Variants in AFG1L observed in about 807,000 individuals in gnomAD.
AFG1L encodes AFG1-like ATPase.
A neutral mutation model predicts 62.2 loss-of-function variants in AFG1L; 53 were observed. That is an observed-to-expected ratio of 0.85 (90% CI 0.68 to 1.07). The LOEUF (loss-of-function observed/expected upper bound fraction) is 1.07. AFG1L is among the 50% of genes least tolerant of loss of function. AFG1L has a pLI of 0.00. For missense variants in AFG1L, 555 were observed against 590.5 expected, an observed-to-expected ratio of 0.94 and a Z score of 0.62; for synonymous variants, 228 against 210.3, an observed-to-expected ratio of 1.08 and a Z score of -0.73.
intron 7 of AFG1L, among the ~76,000 whole-genome samples, chr6:108,438,165 G>A (rs1771393133): frequency 6.6e-6 from 1 of 152,134 alleles, no homozygotes; most frequent in Admixed American, 6.5e-5. Context: ...ACTGGAGCAA[G>A]GTAGCATATT....
At chr6:108,429,092 G>T (rs1464101425) in intron 7 of AFG1L, among the ~76,000 whole-genome samples, 2 of 152,130 alleles carry the variant, frequency 1.3e-5, no homozygotes, top group Admixed American at 6.5e-5. Context: ...TTTGTATAAG[G>T]TAAGGGATAG....
intron 6 of AFG1L, among the ~76,000 whole-genome samples, chr6:108,391,531 C>T (rs1413760875): frequency 6.6e-6 from 1 of 152,048 alleles, no homozygotes; most frequent in Non-Finnish European, 1.5e-5. Flanking sequence ...GGATATCAGT[C>T]CTTTGTCAGT....
intron 7 of AFG1L, among the ~76,000 whole-genome samples, chr6:108,437,660 A>G (rs1482427671): frequency 6.6e-6 from 1 of 152,226 alleles, no homozygotes; most frequent in Non-Finnish European, 1.5e-5. Context: ...TATCTCATAC[A>G]TGGTCTTGGA....
intron 1 of AFG1L, among the ~76,000 whole-genome samples, chr6:108,309,608 TC>T (rs1777327843): frequency 6.6e-6 from 1 of 152,308 alleles, no homozygotes; most frequent in Admixed American, 6.5e-5. Flanking sequence ...GGAAAACTGT[TC>T]ACCTATTGGA....
chr6:108,429,874 C>T (rs1770994629), intron 7 of AFG1L, among the ~76,000 whole-genome samples: 1 of 151,884 alleles, frequency 6.6e-6, no homozygotes, highest in Non-Finnish European at 1.5e-5. Context: ...GCAGTATGGT[C>T]ATTTTCACAA....
At position 108,324,838 on chromosome 6, in the gene AFG1L, G is replaced by A. The variant is rs531582757; in HGVS notation, c.363+790G>A. 1.3e-3 allele frequency among the ~76,000 whole-genome samples: 197 copies of A among 152,038 alleles called. 6 individuals carry two copies. Among genetic ancestry groups the A allele is most frequent in the Admixed American group, 0.011 (165 of 15,264 alleles). ...CCTCCCAAGTAACTGGGTAACAAGC[G>A]TGGACCACCACACTCAGCTAATTTT... On this transcript the variant is annotated intron_variant, in intron 2 of 12. Coordinates refer to ENST00000368977, the MANE Select transcript of AFG1L (RefSeq NM_145315.5).
chr6:108,472,984 T>C (rs1006575024), intron 8 of AFG1L, among the ~76,000 whole-genome samples: 73 of 152,064 alleles, frequency 4.8e-4, no homozygotes, highest in African/African-American at 1.6e-3. Flanking sequence ...GTATTTTTTG[T>C]AGAGATAAAG....
chr6:108,320,756 AC>A (rs957972761), intron 1 of AFG1L, among the ~76,000 whole-genome samples: 1 of 151,826 alleles, frequency 6.6e-6, no homozygotes, highest in Non-Finnish European at 1.5e-5. Context: ...CCTAAGAGAG[AC>A]CCCTGCTTCC....
chr6:108,435,845 G>A (rs1245554148), intron 7 of AFG1L, among the ~76,000 whole-genome samples: 1 of 152,200 alleles, frequency 6.6e-6, no homozygotes, highest in East Asian at 1.9e-4. Context: ...GCTTCTTCCT[G>A]TAGTTCCTAA....
intron 3 of AFG1L, among the ~76,000 whole-genome samples, chr6:108,347,876 T>C (rs1778922706): frequency 6.6e-6 from 1 of 152,156 alleles, no homozygotes; most frequent in Non-Finnish European, 1.5e-5. Context: ...CAATTATTTC[T>C]TCTACTGGCA....
chr6:108,310,678 G>A (rs1777370517), intron 1 of AFG1L, among the ~76,000 whole-genome samples: 1 of 151,090 alleles, frequency 6.6e-6, no homozygotes, highest in Non-Finnish European at 1.5e-5. Flanking sequence ...GGGCTCAAGT[G>A]ATTCTCGTGC....
chr6:108,451,315 T>A (rs1412102206), intron 8 of AFG1L, among the ~76,000 whole-genome samples: 2 of 152,104 alleles, frequency 1.3e-5, no homozygotes, highest in Non-Finnish European at 2.9e-5. Context: ...ATTAAGAATA[T>A]CCAAAATACA....
chr6:108,417,959 G>T (rs1329116949), intron 7 of AFG1L, among the ~76,000 whole-genome samples: 2 of 151,944 alleles, frequency 1.3e-5, no homozygotes, highest in African/African-American at 2.4e-5. Context: ...TCAGCCTCCC[G>T]GGTAGCTGGG....
intron 1 of AFG1L, among the ~76,000 whole-genome samples, chr6:108,322,305 T>C (rs1008533968): frequency 6.6e-6 from 1 of 152,196 alleles, no homozygotes; most frequent in Non-Finnish European, 1.5e-5. Flanking sequence ...GTGTATCTTG[T>C]TGCTCTGCTT....
In AFG1L at chr6:108,477,307, A is replaced by G. The variant is rs561985592; in HGVS notation, c.1062+15A>G. ...TGTGTGAGAGAGTAAGTATCCAGGC[A>G]CGTCCAGACTCACTGGCCTTTTCAC... On this transcript the variant is annotated intron_variant, in intron 10 of 12. Transcript: ENST00000368977. 4.5e-5 allele frequency: 68 copies of G among 1,509,624 alleles called. No homozygotes were observed. The East Asian group carries it at 1.1e-3, about 25-fold the overall frequency. 93.5% of individuals were successfully genotyped at this position (1,509,624 alleles called of 1,614,324 possible).
intron 2 of AFG1L, among the ~76,000 whole-genome samples, chr6:108,339,648 C>T (rs936980526): frequency 5.3e-5 from 8 of 151,668 alleles, no homozygotes; most frequent in Admixed American, 3.9e-4. Context: ...TTAGTAGAAA[C>T]GGGGTTTCAC....
intron 3 of AFG1L, among the ~76,000 whole-genome samples, chr6:108,350,784 C>G (rs1164717690): frequency 4.6e-5 from 7 of 152,188 alleles, no homozygotes; most frequent in African/African-American, 9.7e-5. Context: ...CCCTTTCCTG[C>G]TGCCTCCTGG....
At chr6:108,384,175 A>G (rs947990704) in intron 6 of AFG1L, among the ~76,000 whole-genome samples, 22 of 152,184 alleles carry the variant, frequency 1.4e-4, no homozygotes, top group African/African-American at 5.1e-4. Flanking sequence ...GGCAGGGTAA[A>G]GTCAGTGCTG....
At chr6:108,316,653 C>T (rs1486167903) in intron 1 of AFG1L, among the ~76,000 whole-genome samples, 1 of 151,028 alleles carries the variant, frequency 6.6e-6, no homozygotes, top group African/African-American at 2.4e-5. Context: ...CCTGCCTCAG[C>T]CTCCGAGTAG....
Sources: allele counts gnomAD v4.1 joint callset (sites outside exome capture counted in the v4.1 genomes callset), GRCh38; gene constraint gnomAD v4.1.1; transcripts MANE v1.5; gene names NCBI Gene and HGNC (gene_info 2026-07-23, HGNC 2026-07-21).